METTL22: variants seen among roughly 807,000 people sequenced by gnomAD.
METTL22 encodes the protein methyltransferase 22, Kin17 lysine, also known as methyltransferase-like protein 22.
In METTL22, 51 loss-of-function variants were observed where a neutral mutation model predicts 48.4. That is an observed-to-expected ratio of 1.05 (90% CI 0.84 to 1.33). METTL22 has a LOEUF of 1.33. Among genes scored for constraint, METTL22 ranks in the 40% most tolerant of loss-of-function variants. The probability of loss-of-function intolerance (pLI) is 0.00; values close to 1 mark genes in which losing one functional copy is unlikely to be tolerated. For missense variants in METTL22, 678 were observed against 526.9 expected, an observed-to-expected ratio of 1.29 and a Z score of -2.81; for synonymous variants, 255 against 214.1, an observed-to-expected ratio of 1.19 and a Z score of -1.67.
chr16:8,645,547 C>T (rs772859839), intron 10 of METTL22, among the ~76,000 whole-genome samples: 100 of 152,248 alleles, frequency 6.6e-4, no homozygotes, highest in Non-Finnish European at 1.3e-3. Flanking sequence ...AGGCCATGGT[C>T]GGAGGGTTGC....
At chr16:8,645,995 C>A in intron 10 of METTL22, 113 bp from the exon 11 acceptor site, 10 of 1,522,258 alleles carry the variant, frequency 6.6e-6, no homozygotes, top group Non-Finnish European at 8.8e-6. Context: ...TCGCCTGCTC[C>A]GTGGCTGACG....
chr16:8,644,738 C>A lies in METTL22; in HGVS notation c.1179+13C>A. ...CCTCCAGCAACTGGTAGGTCCAGGC[C>A]CCGAAGCAGGGCCGTTGGTTGCTTT... is the stretch of plus-strand genomic sequence containing the variant. On this transcript the variant is annotated intron_variant, in intron 10 of 10. Transcript: ENST00000381920. 6.4e-7 allele frequency: 1 copy of A among 1,553,838 alleles called. No individual in the cohort carries two copies.
downstream of METTL22, among the ~76,000 whole-genome samples, chr16:8,653,654 G>T (rs1207735971): frequency 6.6e-6 from 1 of 152,178 alleles, no homozygotes; most frequent in Non-Finnish European, 1.5e-5. Context: ...GGTTTCCCAT[G>T]GGAAGGATTT....
Position 8,625,663 on chromosome 16 carries a change from G to C in METTL22, c.-3G>C. ...GTCCTAGGACTAAGGTGGAGCCTGGGCCATGGTACAGCTGGCTCCTGCGGC... is the reference window on the plus strand; with the variant it reads ...GTCCTAGGACTAAGGTGGAGCCTGGCCCATGGTACAGCTGGCTCCTGCGGC... On this transcript the variant is annotated 5_prime_UTR_variant, in exon 2 of 11. Transcript: ENST00000381920. The C allele has an allele frequency of 6.2e-7, 1 of 1,614,058 alleles. No individual in the cohort carries two copies. The highest frequency in any genetic ancestry group is 8.5e-7 in the Non-Finnish European group (1 of 1,180,000).
At chr16:8,658,482 G>A in the METTL22 span, among the ~76,000 whole-genome samples, 1 of 152,178 alleles carries the variant, frequency 6.6e-6, no homozygotes, top group Non-Finnish European at 1.5e-5. Context: ...GACAGGGAAT[G>A]GGGAGGAAGT....
At position 8,641,165 on chromosome 16, in the gene METTL22, G is replaced by GA; in HGVS notation, c.809dup (p.Asp271GlyfsTer20). ...TTAGGGTCAAAGAACTGGACTGGCT[G>GA]AAGGACGACCTCTGCACAGGTGTGT... On this transcript the variant is annotated frameshift_variant, in exon 7 of 11. Coordinates refer to ENST00000381920, the MANE Select transcript of METTL22 (RefSeq NM_024109.4). LOFTEE classifies it high-confidence loss of function. 1 of 1,614,032 alleles carries GA rather than the reference G, an allele frequency of 6.2e-7. No homozygotes were observed.
At chr16:8,630,580 T>C (rs1329442404) in intron 3 of METTL22, among the ~76,000 whole-genome samples, 1 of 152,154 alleles carries the variant, frequency 6.6e-6, no homozygotes, top group Non-Finnish European at 1.5e-5. Flanking sequence ...CTCACTGTTA[T>C]TAGCCTCCCC....
In METTL22 at chr16:8,646,789, G is replaced by A. The variant is rs997235377; in HGVS notation, c.*646G>A. ...TGCAGCTGACCAGGGTTTGTGCAGT[G>A]ATCTTCCTCAGAGGTGTTCCCTTCC... On this transcript the variant is annotated 3_prime_UTR_variant, in exon 11 of 11. Coordinates refer to ENST00000381920, the MANE Select transcript of METTL22 (RefSeq NM_024109.4). 19 of 418,518 alleles carry A rather than the reference G, an allele frequency of 4.5e-5. No individual in the cohort carries two copies. Among genetic ancestry groups the A allele is most frequent in the African/African-American group, 3.5e-4 (17 of 48,900 alleles). 25.9% of individuals were successfully genotyped at this position (418,518 alleles called of 1,614,324 possible). A position where few individuals can be genotyped will look rare whatever the true frequency, so the allele number is the denominator to read the frequency against.
intron 2 of METTL22, 36 bp from the exon 3 acceptor site, chr16:8,628,694 T>A: frequency 1.3e-6 from 2 of 1,559,562 alleles, no homozygotes; most frequent in Non-Finnish European, 1.7e-6. Flanking sequence ...GAAAACATCT[T>A]GGAATTCTCA....
the METTL22 span, among the ~76,000 whole-genome samples, chr16:8,661,304 T>C: frequency 6.6e-6 from 1 of 152,004 alleles, no homozygotes; most frequent in Non-Finnish European, 1.5e-5. Context: ...GAGCCGCCAG[T>C]ACCCAGCTAG....
At chr16:8,661,200 G>A in the METTL22 span, among the ~76,000 whole-genome samples, 2 of 148,022 alleles carry the variant, frequency 1.4e-5, no homozygotes, top group Non-Finnish European at 3.0e-5. Flanking sequence ...GTAATCATCA[G>A]TCCTGGCAGC....
chr16:8,665,357 G>A, the METTL22 span, among the ~76,000 whole-genome samples: 8 of 152,028 alleles, frequency 5.3e-5, no homozygotes, highest in African/African-American at 9.7e-5. Context: ...GAGAAGGAAC[G>A]GTGGGTCTGA....
chr16:8,643,243 T>A (rs1344108147), intron 9 of METTL22, among the ~76,000 whole-genome samples: 1 of 152,262 alleles, frequency 6.6e-6, no homozygotes, highest in Non-Finnish European at 1.5e-5. Context: ...ACTTGCATAT[T>A]TATTGCAGTG....
Position 8,629,088 on chromosome 16 carries a change from C to T in METTL22, c.492C>T (p.Ser164=), listed in dbSNP as rs769460443. 2.5e-6 allele frequency: 4 copies of T among 1,613,368 alleles called. No individual in the cohort carries two copies. Among genetic ancestry groups the T allele is most frequent in the South Asian group, 2.2e-5 (2 of 91,080 alleles). Residue 164 remains serine, a synonymous_variant, in exon 3 of 11, where the codon AGC becomes AGT. Coordinates refer to ENST00000381920, the MANE Select transcript of METTL22 (RefSeq NM_024109.4). The part of the protein sequence containing the change: ...DDVLGEEAQG[S]PHDIIRIEHT... ...TCCTGGGAGAGGAAGCACAAGGCAG[C>T]CCGCACGATATCATCAGAATAGGTA...
rs1419524519 is a variant in METTL22, at chr16:8,646,954, A to G, written c.*811A>G. 6 of 340,028 alleles carry G rather than the reference A, an allele frequency of 1.8e-5. No individual in the cohort carries two copies. The East Asian group carries it at 3.1e-4, about 17-fold the overall frequency. 21.1% of individuals were successfully genotyped at this position (340,028 alleles called of 1,614,324 possible). A position where few individuals can be genotyped will look rare whatever the true frequency, so the allele number is the denominator to read the frequency against. ...CCCTTCCTGTCATCCTCTATGTCCCACTGTCTCTCTCCTTCTCTCCAGTTT... is the reference window on the plus strand; with the variant it reads ...CCCTTCCTGTCATCCTCTATGTCCCGCTGTCTCTCTCCTTCTCTCCAGTTT... On this transcript the variant is annotated 3_prime_UTR_variant, in exon 11 of 11. Transcript: ENST00000381920.
In METTL22 at chr16:8,621,721, C is replaced by A. The variant is rs1045334577; in HGVS notation, c.-225C>A. 6.6e-6 allele frequency: 1 copy of A among 152,290 alleles called. No homozygotes were observed. The highest frequency in any genetic ancestry group is 1.9e-4 in the East Asian group (1 of 5,188). The allele number at this position is 152,290 out of a possible 1,614,324, so 9.4% of individuals were successfully genotyped here. The stretch of plus-strand genomic sequence containing the variant: ...GCAGACCGCCTGTTATGGCGGCCGC[C>A]TAAGTCCCACAGAGACGGGAGTCGG... On this transcript the variant is annotated 5_prime_UTR_variant, in exon 1 of 11. Coordinates refer to ENST00000381920, the MANE Select transcript of METTL22 (RefSeq NM_024109.4).
At chr16:8,645,039 G>A (rs1443251506) in intron 10 of METTL22, 1 of 211,714 alleles carries the variant, frequency 4.7e-6, no homozygotes, top group Non-Finnish European at 9.3e-6. Context: ...TGGGGAACAG[G>A]AAGTCAGTGG....
At chr16:8,664,679 T>A in the METTL22 span, among the ~76,000 whole-genome samples, 12 of 152,044 alleles carry the variant, frequency 7.9e-5, no homozygotes, top group Non-Finnish European at 7.4e-5. Context: ...TGGGCTGGTA[T>A]CAAACTCCTG....
chr16:8,652,801 T>A (rs569010584), downstream of METTL22, among the ~76,000 whole-genome samples: 15 of 152,210 alleles, frequency 9.9e-5, no homozygotes, highest in South Asian at 3.1e-3. Context: ...AGCTTATGGG[T>A]CTGTGCATCA....
Sources: allele counts gnomAD v4.1 joint callset (sites outside exome capture counted in the v4.1 genomes callset), GRCh38; gene constraint gnomAD v4.1.1; transcripts MANE v1.5; gene names NCBI Gene and HGNC (gene_info 2026-07-23, HGNC 2026-07-21).